PRRX1: variants seen among roughly 807,000 people sequenced by gnomAD.
PRRX1 encodes the protein paired related homeobox 1, also known as paired mesoderm homeobox protein 1.
PRRX1 carries 8 observed loss-of-function variants against 24.0 expected under a neutral mutation model. The ratio of observed to expected loss-of-function variants is 0.33; its 90% CI spans 0.20 to 0.60. PRRX1 has a LOEUF of 0.60. Among genes scored for constraint, PRRX1 ranks in the 20% least tolerant of loss-of-function variants. PRRX1 has a pLI of 0.82. For missense variants in PRRX1, 281 were observed against 322.4 expected, an observed-to-expected ratio of 0.87 and a Z score of 0.98; for synonymous variants, 160 against 131.7, an observed-to-expected ratio of 1.22 and a Z score of -1.47.
At chr1:170,691,212 A>G (rs1653934023) in intron 1 of PRRX1, among the ~76,000 whole-genome samples, 1 of 152,188 alleles carries the variant, frequency 6.6e-6, no homozygotes, top group South Asian at 2.1e-4. Context: ...AATGAAAGAA[A>G]TAAAGCAGAT....
intron 2 of PRRX1, among the ~76,000 whole-genome samples, chr1:170,721,794 C>T (rs900834313): frequency 2.6e-5 from 4 of 152,184 alleles, no homozygotes; most frequent in African/African-American, 9.7e-5. Flanking sequence ...AAATCTCTAA[C>T]TCTGCTGTTA....
At chr1:170,716,497 T>C (rs1247413882) in intron 1 of PRRX1, among the ~76,000 whole-genome samples, 2 of 150,248 alleles carry the variant, frequency 1.3e-5, no homozygotes, top group African/African-American at 4.9e-5. Context: ...GGCAGGAGAA[T>C]GGTGTGAACC....
intron 3 of PRRX1, 86 bp downstream of exon 3, chr1:170,726,487 C>T (rs546616819): frequency 4.1e-6 from 6 of 1,454,192 alleles, no homozygotes; most frequent in East Asian, 2.3e-5. Context: ...TGCAGCTCAC[C>T]GACATTTCTT....
chr1:170,731,253 G>A (rs1022686484), intron 3 of PRRX1, among the ~76,000 whole-genome samples: 1 of 152,112 alleles, frequency 6.6e-6, no homozygotes, highest in Non-Finnish European at 1.5e-5. Flanking sequence ...GAACAAACCC[G>A]AGACTTTCTG....
intron 1 of PRRX1, among the ~76,000 whole-genome samples, chr1:170,700,387 G>C (rs1481222666): frequency 2.0e-5 from 3 of 152,086 alleles, no homozygotes; most frequent in Non-Finnish European, 4.4e-5. Flanking sequence ...AAGTCCGTCA[G>C]AGCTCTTCCA....
At chr1:170,674,201 C>G (rs536137517) in intron 1 of PRRX1, among the ~76,000 whole-genome samples, 9 of 152,158 alleles carry the variant, frequency 5.9e-5, no homozygotes, top group African/African-American at 2.2e-4. Context: ...CTCTCTCTCT[C>G]TGTCACACAC....
At chr1:170,729,705 G>T (rs1301485907) in intron 3 of PRRX1, among the ~76,000 whole-genome samples, 1 of 152,174 alleles carries the variant, frequency 6.6e-6, no homozygotes, top group African/African-American at 2.4e-5. Context: ...GAGCATGTTA[G>T]AGGTGATGAC....
chr1:170,706,543 G>T (rs1042613717), intron 1 of PRRX1, among the ~76,000 whole-genome samples: 5 of 152,140 alleles, frequency 3.3e-5, no homozygotes, highest in African/African-American at 1.2e-4. Context: ...TCTGGCTTCT[G>T]ATCCACTGAC....
chr1:170,667,192 C>G (rs1266870043), intron 1 of PRRX1, among the ~76,000 whole-genome samples: 1 of 152,084 alleles, frequency 6.6e-6, no homozygotes, highest in Non-Finnish European at 1.5e-5. Flanking sequence ...TCTGCGGAAG[C>G]ATGATCAAGA....
intron 3 of PRRX1, chr1:170,727,877 A>G (rs529521184): frequency 1.3e-5 from 2 of 152,288 alleles, no homozygotes; most frequent in Admixed American, 6.5e-5. Flanking sequence ...CTACAAATAC[A>G]TTTTTTGAAG....
intron 1 of PRRX1, among the ~76,000 whole-genome samples, chr1:170,678,593 A>C (rs1000135791): frequency 1.3e-5 from 2 of 152,228 alleles, no homozygotes; most frequent in African/African-American, 2.4e-5. Context: ...GTGTTTGCTA[A>C]AAATGCTGTC....
intron 1 of PRRX1, among the ~76,000 whole-genome samples, chr1:170,697,350 T>C (rs1654204126): frequency 1.3e-5 from 2 of 152,168 alleles, no homozygotes. Context: ...TGTGTAAAAG[T>C]TTTATAAATA....
chr1:170,684,235 C>G (rs1653653847), intron 1 of PRRX1, among the ~76,000 whole-genome samples: 1 of 152,174 alleles, frequency 6.6e-6, no homozygotes, highest in Non-Finnish European at 1.5e-5. Context: ...CAACTTCTTC[C>G]AGTCTTTTAT....
chr1:170,718,411 A>G (rs1035505627), intron 1 of PRRX1, among the ~76,000 whole-genome samples: 2 of 152,180 alleles, frequency 1.3e-5, no homozygotes, highest in African/African-American at 4.8e-5. Flanking sequence ...TAAAAACAAT[A>G]TTATAGCTGA....
chr1:170,734,063 C>T (rs1655525851), intron 3 of PRRX1, among the ~76,000 whole-genome samples: 1 of 152,088 alleles, frequency 6.6e-6, no homozygotes, highest in Non-Finnish European at 1.5e-5. Context: ...GTACTAATAA[C>T]TTGTTCAGTT....
chr1:170,695,030 T>C (rs1654120542), intron 1 of PRRX1, among the ~76,000 whole-genome samples: 1 of 152,156 alleles, frequency 6.6e-6, no homozygotes, highest in South Asian at 2.1e-4. Context: ...TTACTTGTAG[T>C]TGCAAAGACT....
At chr1:170,705,438 A>T (rs1307380695) in intron 1 of PRRX1, among the ~76,000 whole-genome samples, 1 of 152,046 alleles carries the variant, frequency 6.6e-6, no homozygotes, top group Non-Finnish European at 1.5e-5. Context: ...GCATGCTACC[A>T]CACCCAGCTA....
At position 170,724,629 on chromosome 1, in the gene PRRX1, C is replaced by T. The variant is rs549800451; in HGVS notation, c.418-1591C>T. Among the ~76,000 whole-genome samples, 3 of 152,166 alleles carry T rather than the reference C, an allele frequency of 2.0e-5. No homozygotes were observed. The East Asian group carries it at 5.8e-4, about 29-fold the overall frequency. ...TCTTTTCTGAGTTCTCTATTCTGTT[C>T]CATTGGTCTGTGTGTGTGCTTTTGT... On this transcript the variant is annotated intron_variant, in intron 2 of 3. Transcript: ENST00000239461.
chr1:170,730,565 T>A, intron 3 of PRRX1: 2 of 531,178 alleles, frequency 3.8e-6, no homozygotes, highest in Admixed American at 6.5e-5. Context: ...GAGATTGCTG[T>A]GCACAGGAAA....
Sources: gnomAD v4.1 joint callset for allele counts (sites outside exome capture counted in the v4.1 genomes callset) on GRCh38, gnomAD v4.1.1 for gene constraint, MANE v1.5 for transcripts, NCBI Gene and HGNC (gene_info 2026-07-23, HGNC 2026-07-21) for gene names.